Variants in MBP observed in about 807,000 individuals in gnomAD.
MBP encodes the protein myelin basic protein.
A neutral mutation model predicts 35.8 loss-of-function variants in MBP; 16 were observed. The ratio of observed to expected loss-of-function variants is 0.45; its 90% CI spans 0.30 to 0.68. The LOEUF (loss-of-function observed/expected upper bound fraction) is 0.68, where lower values mean the gene tolerates loss of function less well. Among genes scored for constraint, MBP ranks in the 30% least tolerant of loss-of-function variants. The pLI is 0.08. For missense variants in MBP, 380 were observed against 404.7 expected (o/e 0.94, Z 0.52); for synonymous variants, 143 against 159.6 (o/e 0.90, Z 0.78).
Position 77,012,462 on chromosome 18 carries a change from G to A in MBP, c.576+4370C>T, listed in dbSNP as rs1373662423. On this transcript the variant is annotated intron_variant, in intron 4 of 8. Coordinates refer to ENST00000355994, the MANE Select transcript of MBP (RefSeq NM_001025101.2). ...AGGCAGAATCAGAATAGTCACCATA[G>A]AAAGACCAGAACACCGAACTGTCAG... is the stretch of plus-strand genomic sequence containing the variant. Among the ~76,000 whole-genome samples the A allele has an allele frequency of 2.0e-5, 3 of 152,226 alleles. No individual in the cohort carries two copies. In the East Asian group the frequency reaches 5.8e-4, roughly 29 times the overall value.
intron 3 of MBP, among the ~76,000 whole-genome samples, chr18:77,036,299 T>G (rs1972763518): frequency 8.0e-6 from 1 of 124,628 alleles, no homozygotes; most frequent in Non-Finnish European, 1.7e-5. Context: ...GGTCACATTT[T>G]GGAGGACTGA....
intron 2 of MBP, among the ~76,000 whole-genome samples, chr18:77,096,311 AATAGT>A (rs893518712): frequency 2.1e-4 from 32 of 152,334 alleles, no homozygotes; most frequent in Admixed American, 1.6e-3. Context: ...ATGTCATTTT[AATAGT>A]ATCTGGAGAG....
intron 3 of MBP, among the ~76,000 whole-genome samples, chr18:77,032,564 C>T (rs1052386525): frequency 3.3e-5 from 5 of 152,240 alleles, no homozygotes; most frequent in African/African-American, 9.6e-5. Context: ...CGCGGCCATG[C>T]GCTGGCCAGT....
At chr18:77,021,506 T>C (rs1344203868) in intron 3 of MBP, among the ~76,000 whole-genome samples, 1 of 133,724 alleles carries the variant, frequency 7.5e-6, no homozygotes, top group Non-Finnish European at 1.5e-5. Flanking sequence ...TTTTTTGAGA[T>C]GGAGTCTCAC....
chr18:77,016,333 A>G, intron 4 of MBP: 1 of 987,892 alleles, frequency 1.0e-6, no homozygotes, highest in African/African-American at 1.7e-5. Flanking sequence ...GGCGGATTTA[A>G]ATTGAGGAGT....
chr18:77,128,388 G>A (rs1488163285), intron 1 of MBP, among the ~76,000 whole-genome samples: 1 of 152,140 alleles, frequency 6.6e-6, no homozygotes, highest in Non-Finnish European at 1.5e-5. Context: ...GGAGGGGGAA[G>A]GAGGAAGTCA....
At chr18:76,991,812 CCTCCAGTCTGTCAG>C (rs1425348684) in intron 4 of MBP, among the ~76,000 whole-genome samples, 2 of 152,176 alleles carry the variant, frequency 1.3e-5, no homozygotes, top group Non-Finnish European at 2.9e-5. Context: ...GAAGTATTTC[CCTCCAGTCTGTCAG>C]CTCTATGCAC....
intron 3 of MBP, among the ~76,000 whole-genome samples, chr18:77,041,808 T>C (rs1246603): frequency 0.035 from 5,119 of 146,462 alleles, 321 homozygotes; most frequent in African/African-American, 0.12. Flanking sequence ...GGGATAGCAT[T>C]AGGAGATATA....
chr18:77,036,910 G>A (rs1210366982), intron 3 of MBP, among the ~76,000 whole-genome samples: 4 of 85,468 alleles, frequency 4.7e-5, no homozygotes, highest in South Asian at 5.8e-4. Flanking sequence ...GCAAGTGCTG[G>A]TCACATTTTG....
chr18:76,984,906 GACCACGGAGCTCAACC>G lies in MBP; in HGVS notation c.751-28_751-13del. Reference sequence around the variant, plus strand: ...TGGCCTTCGGCCCCCTGCAAGAGAAGACCACGGAGCTCAACCTCCACCCGCGGTGCTGGGCACGCTG... The same window carrying G: ...TGGCCTTCGGCCCCCTGCAAGAGAAGTCCACCCGCGGTGCTGGGCACGCTG... On this transcript the variant is annotated splice_polypyrimidine_tract_variant and intron_variant, in intron 7 of 8. Coordinates refer to ENST00000355994, the MANE Select transcript of MBP (RefSeq NM_001025101.2). 1 of 1,612,484 alleles carries G rather than the reference GACCACGGAGCTCAACC, an allele frequency of 6.2e-7. No individual in the cohort carries two copies. The highest frequency in any genetic ancestry group is 8.5e-7 in the Non-Finnish European group (1 of 1,179,946).
chr18:77,071,068 G>A (rs1272110323), intron 2 of MBP, among the ~76,000 whole-genome samples: 1 of 152,176 alleles, frequency 6.6e-6, no homozygotes, highest in Non-Finnish European at 1.5e-5. Context: ...GTGGTCTGGA[G>A]GTGGCAATTT....
chr18:77,068,282 G>T (rs761151604), intron 2 of MBP, among the ~76,000 whole-genome samples: 8 of 152,184 alleles, frequency 5.3e-5, no homozygotes, highest in Non-Finnish European at 8.8e-5. Flanking sequence ...ACTGGGCCCA[G>T]CAGACGCCCC....
rs993236064 is a variant in MBP at position 77,067,883 on chromosome 18, C to G, written c.52-1498G>C. ...AGACCACCCTGAAGTCTGATTCAGA[C>G]CTAGTGTGACTCACTTATGTACTGC... On this transcript the variant is annotated intron_variant, in intron 2 of 8. Transcript: ENST00000355994. 1.4e-5 allele frequency: 7 copies of G among 501,232 alleles called. No homozygotes were observed. In the East Asian group the frequency reaches 3.9e-4, roughly 28 times the overall value. 31.0% of individuals were successfully genotyped at this position (501,232 alleles called of 1,614,324 possible).
At chr18:77,034,197 T>C (rs551883236) in intron 3 of MBP, among the ~76,000 whole-genome samples, 89 of 152,224 alleles carry the variant, frequency 5.8e-4, no homozygotes, top group Middle Eastern at 3.4e-3. Context: ...CAGGGATGCC[T>C]TGAAGACAGA....
chr18:77,128,375 C>T (rs1977125276), intron 1 of MBP, among the ~76,000 whole-genome samples: 1 of 152,098 alleles, frequency 6.6e-6, no homozygotes, highest in South Asian at 2.1e-4. Flanking sequence ...TTGCCAGCCT[C>T]AGGGAGGGGG....
chr18:77,008,572 C>T (rs755102330), intron 4 of MBP, among the ~76,000 whole-genome samples: 13 of 152,180 alleles, frequency 8.5e-5, no homozygotes, highest in African/African-American at 1.4e-4. Context: ...TCTCCCCAGC[C>T]GCAGCCGCCA....
intron 4 of MBP, among the ~76,000 whole-genome samples, chr18:77,007,417 G>A (rs1445070598): frequency 6.6e-6 from 1 of 152,170 alleles, no homozygotes; most frequent in Non-Finnish European, 1.5e-5. Context: ...CACCCTCTGT[G>A]TGCACCTCCT....
chr18:77,025,932 T>C (rs1972202590), intron 3 of MBP, among the ~76,000 whole-genome samples: 2 of 152,104 alleles, frequency 1.3e-5, no homozygotes, highest in Admixed American at 6.5e-5. Context: ...AGCGGGTTAC[T>C]CCCTCTCCGA....
In MBP at chr18:77,035,588, A is replaced by G. The variant is rs540082147; in HGVS notation, c.140-18320T>C. On this transcript the variant is annotated intron_variant, in intron 3 of 8. Coordinates refer to ENST00000355994, the MANE Select transcript of MBP (RefSeq NM_001025101.2). Reference sequence around the variant, plus strand: ...GCAGAGCTGTCTGTGAACTGTCTTGACCAGCAACAACACAGCCCCTGCAGA... The same window carrying G: ...GCAGAGCTGTCTGTGAACTGTCTTGGCCAGCAACAACACAGCCCCTGCAGA... Among the ~76,000 whole-genome samples, 20 of 152,256 alleles carry G rather than the reference A, an allele frequency of 1.3e-4. No homozygotes were observed. In the South Asian group the frequency reaches 3.7e-3, roughly 28 times the overall value.
Sources: gnomAD v4.1 joint callset for allele counts (sites outside exome capture counted in the v4.1 genomes callset) on GRCh38, gnomAD v4.1.1 for gene constraint, MANE v1.5 for transcripts, NCBI Gene and HGNC (gene_info 2026-07-23, HGNC 2026-07-21) for gene names.